POLD1: variants seen among roughly 807,000 people sequenced by gnomAD.
POLD1 encodes the protein DNA polymerase delta catalytic subunit.
POLD1 carries 79 observed loss-of-function variants against 129.7 expected under a neutral mutation model. That is an observed-to-expected ratio of 0.61 (90% confidence interval 0.51 to 0.73). The LOEUF is 0.73. Among genes scored for constraint, POLD1 ranks in the 30% least tolerant of loss-of-function variants. The pLI is 0.00. For synonymous variants in POLD1, 714 were observed against 683.3 expected (o/e 1.04, Z -0.70); for missense variants, 1,338 against 1,595.8 (o/e 0.84, Z 2.75).
rs954146834 is a variant in POLD1, at chr19:50,415,462, C to T, written c.2589C>T (p.His863=). 1.2e-5 allele frequency: 19 copies of T among 1,612,854 alleles called. No homozygotes were observed. Among genetic ancestry groups the T allele is most frequent in the African/African-American group, 5.3e-5 (4 of 74,924 alleles). Residue 863 remains histidine (H), a synonymous_variant, in exon 21 of 27, where the codon CAC becomes CAT. Coordinates refer to ENST00000440232, the MANE Select transcript of POLD1 (RefSeq NM_002691.4). ...IDRDPEGAVA[H]AQDVISDLLC... ...GAGACCCTGAGGGCGCGGTGGCTCACGCACAGGACGTCATCTCGGACCTGC... is the reference window on the plus strand; with the variant it reads ...GAGACCCTGAGGGCGCGGTGGCTCATGCACAGGACGTCATCTCGGACCTGC...
At chr19:50,407,505 C>A in intron 14 of POLD1, 90 bp downstream of exon 14, 1 of 710,762 alleles carries the variant, frequency 1.4e-6, no homozygotes, top group Non-Finnish European at 2.2e-6. Context: ...TTGAGACCAG[C>A]CAGGGCAACA....
In POLD1 at chr19:50,399,480, T is replaced by C; in HGVS notation, c.312T>C (p.Tyr104=). The change falls in exon 3 of 27, where the codon TAT becomes TAC. Residue 104 remains tyrosine, a synonymous_variant. Coordinates refer to ENST00000440232, the MANE Select transcript of POLD1 (RefSeq NM_002691.4). Reference sequence around the variant, plus strand: ...TCCAACAGTTGGAGATTGACCATTATGTGGGTGAGTTTAGGGGTTATGGGT... The same window carrying C: ...TCCAACAGTTGGAGATTGACCATTACGTGGGTGAGTTTAGGGGTTATGGGT... The part of the protein sequence containing the change: ...LIFQQLEIDH[Y]VGPAQPVPGG... 1 of 1,607,834 alleles carries C rather than the reference T, an allele frequency of 6.2e-7. No individual in the cohort carries two copies. The highest frequency in any genetic ancestry group is 1.7e-4 in the Middle Eastern group (1 of 6,054).
chr19:50,411,674 A>C (rs980986096), intron 17 of POLD1, among the ~76,000 whole-genome samples: 3 of 152,270 alleles, frequency 2.0e-5, no homozygotes, highest in Admixed American at 2.0e-4. Flanking sequence ...CCCTGTCTCT[A>C]TTAAAAATAC....
intron 2 of POLD1, 44 bp from the exon 3 acceptor site, chr19:50,399,327 G>C (rs1230916085): frequency 2.7e-6 from 4 of 1,483,368 alleles, no homozygotes; most frequent in Admixed American, 1.7e-5. Flanking sequence ...GGCCGGGGAA[G>C]ACCATGACTC....
chr19:50,415,885 C>G lies in POLD1; in HGVS notation c.2820+59C>G, dbSNP rs545336888. The G allele has an allele frequency of 2.4e-6, 3 of 1,252,720 alleles. No individual in the cohort carries two copies. In the East Asian group the frequency reaches 7.7e-5, roughly 32 times the overall value. 77.6% of individuals were successfully genotyped at this position (1,252,720 alleles called of 1,614,324 possible). A position where few individuals can be genotyped will look rare whatever the true frequency, so the allele number is the denominator to read the frequency against. ...CCCCCTCGCTCTCACTTCTGCTTTC[C>G]GAGATGGGCGGGCCTGCGGGAAGGG... On this transcript the variant is annotated intron_variant, in intron 22 of 26. Coordinates refer to ENST00000440232, the MANE Select transcript of POLD1 (RefSeq NM_002691.4).
In POLD1 at chr19:50,417,867, C is replaced by G. The variant is rs1307047144; in HGVS notation, c.3244C>G (p.Arg1082Gly). 1 of 1,608,926 alleles carries G rather than the reference C, an allele frequency of 6.2e-7. No individual in the cohort carries two copies. Among genetic ancestry groups the G allele is most frequent in the Non-Finnish European group, 8.5e-7 (1 of 1,177,770 alleles). The part of the protein sequence containing the change: ...TSRDCPIFYM[R>G]KKVRKDLEDQ... ...CCGGGACTGCCCCATCTTCTACATG[C>G]GCAAGAAGGTGCGGAAGGACCTGGA... Residue 1082 changes from arginine (R) to glycine (G), a missense_variant, in exon 27 of 27, where the codon CGC becomes GGC. Arg to Gly is a moderately radical substitution (Grantham distance 125). Around this residue, in one of 3 missense-constraint regions of POLD1, gnomAD observed 286 missense variants for 277.5 expected, o/e 1.03. Transcript: ENST00000440232.
In POLD1 at chr19:50,415,769, C is replaced by T. The variant is rs139299266; in HGVS notation, c.2763C>T (p.Arg921=). ...GGAGTGCGCCCAGCCTGGGCGACCG[C>T]GTCCCCTACGTGATCATCAGTGCCG... ...DPGSAPSLGD[R]VPYVIISAAK... is the part of the protein sequence containing the mutation. Residue 921 remains arginine (R), a synonymous_variant, in exon 22 of 27, where the codon CGC becomes CGT. Coordinates refer to ENST00000440232, the MANE Select transcript of POLD1 (RefSeq NM_002691.4). 3.4e-5 allele frequency: 54 copies of T among 1,570,950 alleles called. No homozygotes were observed. In the East Asian group the frequency reaches 6.2e-4, roughly 18 times the overall value.
chr19:50,415,678 C>T lies in POLD1; in HGVS notation c.2718-46C>T, dbSNP rs565857345. Reference sequence around the variant, plus strand: ...CTTCCTACACCCTCGCCCCCACCCCCGCCACCCACCTGCCCTCACCCACCC... The same window carrying T: ...CTTCCTACACCCTCGCCCCCACCCCTGCCACCCACCTGCCCTCACCCACCC... On this transcript the variant is annotated intron_variant, in intron 21 of 26. Transcript: ENST00000440232. 131 of 1,452,820 alleles carry T rather than the reference C, an allele frequency of 9.0e-5. No homozygotes were observed. Among genetic ancestry groups the T allele is most frequent in the Middle Eastern group, 2.4e-4 (1 of 4,128 alleles). The allele number at this position is 1,452,820 out of a possible 1,614,324, so 90.0% of individuals were successfully genotyped here.
In POLD1 at chr19:50,409,454, C is replaced by G. The variant is rs2039015478; in HGVS notation, c.2007-65C>G. On this transcript the variant is annotated intron_variant, in intron 16 of 26. Coordinates refer to ENST00000440232, the MANE Select transcript of POLD1 (RefSeq NM_002691.4). This position sits in a 1 kb window ranked among gnomAD's most constrained non-coding sequence, Gnocchi z 5.8. ...CCCAACCGTACATGGCACTCACTTC[C>G]AGAAAGGAGCCCTGACCAATGCCCA... The G allele has an allele frequency of 6.2e-7, 1 of 1,606,576 alleles. No homozygotes were observed. The highest frequency in any genetic ancestry group is 8.5e-7 in the Non-Finnish European group (1 of 1,174,760).
At position 50,399,497 on chromosome 19, in the gene POLD1, G is replaced by A; in HGVS notation, c.316+13G>A. The A allele has an allele frequency of 6.3e-7, 1 of 1,581,958 alleles. No homozygotes were observed. The highest frequency in any genetic ancestry group is 1.7e-5 in the Admixed American group (1 of 59,966). Reference sequence around the variant, plus strand: ...GACCATTATGTGGGTGAGTTTAGGGGTTATGGGTGAGTGCTGGGGCCCTGC... The same window carrying A: ...GACCATTATGTGGGTGAGTTTAGGGATTATGGGTGAGTGCTGGGGCCCTGC... On this transcript the variant is annotated intron_variant, in intron 3 of 26. Coordinates refer to ENST00000440232, the MANE Select transcript of POLD1 (RefSeq NM_002691.4).
Position 50,417,964 on chromosome 19 carries a change from T to TGGGGCG in POLD1, c.*26_*31dup. The TGGGGCG allele has an allele frequency of 7.5e-7, 1 of 1,337,700 alleles. No homozygotes were observed. Among genetic ancestry groups the TGGGGCG allele is most frequent in the South Asian group, 1.2e-5 (1 of 83,588 alleles). The allele number at this position is 1,337,700 out of a possible 1,614,324, so 82.9% of individuals were successfully genotyped here. A position where few individuals can be genotyped will look rare whatever the true frequency, so the allele number is the denominator to read the frequency against. ...GCCTGGTGACCTTGCAAGCATCCCATGGGGCGGGGGCGGGACCAGGGAGAA... is the reference window on the plus strand; with the variant it reads ...GCCTGGTGACCTTGCAAGCATCCCATGGGGCGGGGGCGGGGGCGGGACCAGGGAGAA... On this transcript the variant is annotated 3_prime_UTR_variant, in exon 27 of 27. Transcript: ENST00000440232.
chr19:50,387,092 C>T (rs3219304), intron 1 of POLD1, among the ~76,000 whole-genome samples: 8 of 151,854 alleles, frequency 5.3e-5, no homozygotes, highest in Non-Finnish European at 8.8e-5. Flanking sequence ...TTTGGGAGGC[C>T]GAGGTGGACG....
At position 50,408,864 on chromosome 19, in the gene POLD1, A is replaced by G. The variant is rs758923483; in HGVS notation, c.1855A>G (p.Thr619Ala). The change falls in exon 15 of 27, where the codon ACC becomes GCC. Residue 619 changes from threonine to alanine, a missense_variant. Physicochemically the swap from Thr to Ala is moderately conservative, Grantham distance 58. Around this residue, in one of 3 missense-constraint regions of POLD1, gnomAD observed 720 missense variants for 1,002.6 expected, o/e 0.72. Coordinates refer to ENST00000440232, the MANE Select transcript of POLD1 (RefSeq NM_002691.4). ...CATGATGGCCCACAACCTGTGTTAC[A>G]CCACGCTCCTTCGGCCCGGGACTGC... ...SIMMAHNLCY[T>A]TLLRPGTAQK... 3 of 1,613,778 alleles carry G rather than the reference A, an allele frequency of 1.9e-6. No individual in the cohort carries two copies. Among genetic ancestry groups the G allele is most frequent in the Admixed American group, 1.7e-5 (1 of 59,960 alleles).
At chr19:50,414,548 G>T (rs954995290) in intron 19 of POLD1, among the ~76,000 whole-genome samples, 25 of 152,228 alleles carry the variant, frequency 1.6e-4, no homozygotes, top group African/African-American at 5.8e-4. Flanking sequence ...CGCCTGTCTG[G>T]ATCTCATGTT....
chr19:50,399,543 G>A (rs2038506466), intron 3 of POLD1, 59 bp downstream of exon 3: 2 of 1,295,490 alleles, frequency 1.5e-6, no homozygotes, highest in Admixed American at 1.7e-5. Context: ...CAGAGGCCGG[G>A]CCAGGTCAGC....
chr19:50,405,026 A>G (rs1016091289), intron 10 of POLD1, among the ~76,000 whole-genome samples: 1 of 151,594 alleles, frequency 6.6e-6, no homozygotes, highest in Non-Finnish European at 1.5e-5. Context: ...CGGCCTCCCA[A>G]AGTGCTGGGA....
chr19:50,404,577 T>A, intron 10 of POLD1, among the ~76,000 whole-genome samples: 1 of 115,434 alleles, frequency 8.7e-6, no homozygotes, highest in Admixed American at 8.1e-5. Context: ...TCTCTTTCTT[T>A]TTTTTTTTTT....
rs770276907 is a variant in POLD1 at position 50,407,215 on chromosome 19, A to C, written c.1686+41A>C. On this transcript the variant is annotated intron_variant, in intron 13 of 26. Transcript: ENST00000440232. ...TTGTCCTCGCCACCCCCCACCAGGC[A>C]CGTCTGTGGCCCCCTCCAGGCAATG... 25 of 1,569,696 alleles carry C rather than the reference A, an allele frequency of 1.6e-5. No homozygotes were observed. The South Asian group carries it at 1.8e-4, about 11-fold the overall frequency.
At chr19:50,398,570 CAAAAAAAAA>C (rs35689550) in intron 1 of POLD1, among the ~76,000 whole-genome samples, 1 of 64,220 alleles carries the variant, frequency 1.6e-5, no homozygotes, top group Admixed American at 2.4e-4. Context: ...AATTCCATCT[CAAAAAAAAA>C]AAAAAAAAAA....
Sources: gnomAD v4.1 joint callset for allele counts (sites outside exome capture counted in the v4.1 genomes callset) on GRCh38, gnomAD v4.1.1 for gene constraint, gnomAD v4.1.1 regional missense constraint, Gnocchi (gnomAD v3.1) non-coding constraint, MANE v1.5 for transcripts, NCBI Gene and HGNC (gene_info 2026-07-23, HGNC 2026-07-21) for gene names.